The following SPTBN1 variants were observed in gnomAD, a reference collection of about 807,000 sequenced individuals.
SPTBN1 encodes spectrin beta chain, non-erythrocytic 1.
In SPTBN1, 32 loss-of-function variants were observed where a neutral mutation model predicts 266.4. That is an observed-to-expected ratio of 0.12 (90% CI 0.09 to 0.16). The LOEUF (loss-of-function observed/expected upper bound fraction) is 0.16. SPTBN1 is among the 10% of genes least tolerant of loss of function. The pLI is 1.00. For missense variants in SPTBN1, 2,296 were observed against 3,067.1 expected (o/e 0.75, Z 5.94); for synonymous variants, 1,336 against 1,162.2 (o/e 1.15, Z -3.04).
chr2:54,563,879 C>T (rs921574208), intron 2 of SPTBN1, among the ~76,000 whole-genome samples: 3 of 152,066 alleles, frequency 2.0e-5, no homozygotes, highest in Non-Finnish European at 2.9e-5. Context: ...TGACCACACC[C>T]GGCAAGGGTA....
intron 1 of SPTBN1, among the ~76,000 whole-genome samples, chr2:54,506,513 G>C (rs978241695): frequency 2.6e-5 from 4 of 151,546 alleles, no homozygotes; most frequent in Non-Finnish European, 5.9e-5. Context: ...TTGATGAACT[G>C]AGTAATTTTT....
chr2:54,645,169 G>A lies in SPTBN1; in HGVS notation c.4270-60G>A. ...GTCCCAGGCCCAGCAGTTCTGCTTA[G>A]AGCCAGTCACTGCAAAAGATAGTCT... On this transcript the variant is annotated intron_variant, in intron 20 of 35. Transcript: ENST00000356805. This position sits in a 1 kb window ranked among gnomAD's most constrained non-coding sequence, Gnocchi z 4.3. The A allele has an allele frequency of 3.2e-6, 5 of 1,580,940 alleles. No individual in the cohort carries two copies. The highest frequency in any genetic ancestry group is 1.7e-5 in the Admixed American group (1 of 59,608).
intron 3 of SPTBN1, among the ~76,000 whole-genome samples, chr2:54,608,800 C>A (rs942283982): frequency 6.6e-6 from 1 of 152,122 alleles, no homozygotes. Context: ...GCATTTGATT[C>A]CCCCAAAACT....
At chr2:54,621,935 C>A (rs1678016713) in intron 8 of SPTBN1, among the ~76,000 whole-genome samples, 1 of 152,254 alleles carries the variant, frequency 6.6e-6, no homozygotes, top group South Asian at 2.1e-4. Flanking sequence ...GCAGTGAAGT[C>A]AAAAATTAAT....
intron 18 of SPTBN1, among the ~76,000 whole-genome samples, chr2:54,642,535 T>G (rs900454013): frequency 2.4e-4 from 36 of 151,110 alleles, no homozygotes; most frequent in Admixed American, 5.3e-4. Flanking sequence ...AGTAGTTTTT[T>G]TTTTTTTTTT....
chr2:54,578,232 GAA>G (rs888671637), intron 2 of SPTBN1, among the ~76,000 whole-genome samples: 1 of 152,218 alleles, frequency 6.6e-6, no homozygotes, highest in Non-Finnish European at 1.5e-5. Flanking sequence ...GCTACACAGA[GAA>G]TAACCTTGGA....
chr2:54,471,799 G>C (rs1235322788), intron 1 of SPTBN1, among the ~76,000 whole-genome samples: 1 of 31,496 alleles, frequency 3.2e-5, no homozygotes, highest in Admixed American at 5.1e-4. Flanking sequence ...CTTTTTTATC[G>C]ATTTTTTTTT....
intron 2 of SPTBN1, among the ~76,000 whole-genome samples, chr2:54,542,800 A>G (rs1033300486): frequency 2.0e-5 from 3 of 152,204 alleles, no homozygotes; most frequent in African/African-American, 7.2e-5. Flanking sequence ...GAAAGGGAAG[A>G]GGAAGGAAGA....
intron 2 of SPTBN1, among the ~76,000 whole-genome samples, chr2:54,560,873 A>C (rs772077362): frequency 6.6e-6 from 1 of 152,240 alleles, no homozygotes; most frequent in Non-Finnish European, 1.5e-5. Context: ...CTTCAGAACA[A>C]ATGAACCGAT....
chr2:54,564,124 T>C (rs1673510717), intron 2 of SPTBN1, among the ~76,000 whole-genome samples: 1 of 152,198 alleles, frequency 6.6e-6, no homozygotes, highest in African/African-American at 2.4e-5. Flanking sequence ...CATGGGCTGC[T>C]CTCGGTTTTT....
At chr2:54,482,115 G>A (rs1326158207) in intron 1 of SPTBN1, among the ~76,000 whole-genome samples, 1 of 152,146 alleles carries the variant, frequency 6.6e-6, no homozygotes, top group Non-Finnish European at 1.5e-5. Flanking sequence ...TGTTTGAAGT[G>A]CCTGGTCGGA....
In SPTBN1 at chr2:54,649,798, A is replaced by C; in HGVS notation, c.5386A>C (p.Thr1796Pro). 6.2e-7 allele frequency: 1 copy of C among 1,614,224 alleles called. No individual in the cohort carries two copies. The highest frequency in any genetic ancestry group is 8.5e-7 in the Non-Finnish European group (1 of 1,180,038). Reference sequence around the variant, plus strand: ...GGCCGACCTCCTGGAGCTCATTGACACAAGAACACAGATTCTTGCCGCTTC... The same window carrying C: ...GGCCGACCTCCTGGAGCTCATTGACCCAAGAACACAGATTCTTGCCGCTTC... ...AWADLLELIDTRTQILAASYE... is the reference protein window; with the variant it reads ...AWADLLELIDPRTQILAASYE... Residue 1796 changes from threonine (T) to proline (P), a missense_variant, in exon 26 of 36, where the codon ACA becomes CCA. Thr to Pro is a conservative substitution (Grantham distance 38). This residue lies in a region of SPTBN1 where 644 missense variants were observed against 745.3 expected (regional missense o/e 0.86). Transcript: ENST00000356805. This position sits in a 1 kb window ranked among gnomAD's most constrained non-coding sequence, Gnocchi z 6.7.
At chr2:54,635,908 A>G (rs1369770798) in intron 17 of SPTBN1, among the ~76,000 whole-genome samples, 1 of 152,260 alleles carries the variant, frequency 6.6e-6, no homozygotes, top group African/African-American at 2.4e-5. Context: ...TAGATGACTA[A>G]TTCTTTTTAG....
At chr2:54,585,101 G>A (rs1208693102) in intron 2 of SPTBN1, among the ~76,000 whole-genome samples, 26 of 152,160 alleles carry the variant, frequency 1.7e-4, no homozygotes, top group Admixed American at 1.7e-3. Context: ...CCCCATTTAT[G>A]CCCTCTTGTT....
chr2:54,669,761 C>T lies in SPTBN1; in HGVS notation c.*1192C>T, dbSNP rs1016559092. ...AAAGGGAGAAATGACAAACAAGAAACATTTTACAACCAGTCTGGGCTCACT... is the reference window on the plus strand; with the variant it reads ...AAAGGGAGAAATGACAAACAAGAAATATTTTACAACCAGTCTGGGCTCACT... On this transcript the variant is annotated 3_prime_UTR_variant, in exon 36 of 36. Transcript: ENST00000356805. 3 of 152,554 alleles carry T rather than the reference C, an allele frequency of 2.0e-5. No individual in the cohort carries two copies. Among genetic ancestry groups the T allele is most frequent in the Non-Finnish European group, 4.4e-5 (3 of 68,030 alleles). The allele number at this position is 152,554 out of a possible 1,614,324, so 9.5% of individuals were successfully genotyped here.
intron 24 of SPTBN1, 86 bp from the exon 25 acceptor site, chr2:54,648,900 C>T: frequency 8.1e-7 from 1 of 1,228,666 alleles, no homozygotes; most frequent in Admixed American, 2.2e-5. Flanking sequence ...TATGCTCTCC[C>T]ATTATCTCCA....
chr2:54,498,474 A>G (rs1363883663), intron 1 of SPTBN1, among the ~76,000 whole-genome samples: 1 of 152,170 alleles, frequency 6.6e-6, no homozygotes, highest in Non-Finnish European at 1.5e-5. Context: ...ACATTCCCTG[A>G]GCGCTTTATG....
chr2:54,536,522 T>C (rs1238935844), intron 2 of SPTBN1, among the ~76,000 whole-genome samples: 1 of 152,334 alleles, frequency 6.6e-6, no homozygotes, highest in East Asian at 1.9e-4. Context: ...AGCTATAAAT[T>C]CACCAGTAGT....
At chr2:54,457,185 C>G (rs1438934547) in intron 1 of SPTBN1, 1 of 146,612 alleles carries the variant, frequency 6.8e-6, no homozygotes, top group African/African-American at 2.5e-5. Context: ...CGTCCCCACT[C>G]TCCCAGGGCT....
Sources: allele counts gnomAD v4.1 joint callset (sites outside exome capture counted in the v4.1 genomes callset), GRCh38; gene constraint gnomAD v4.1.1; regional missense constraint gnomAD v4.1.1; non-coding constraint Gnocchi (gnomAD v3.1); transcripts MANE v1.5; gene names NCBI Gene and HGNC (gene_info 2026-07-23, HGNC 2026-07-21).